The following NREP variants were observed in gnomAD, a reference collection of about 807,000 sequenced individuals.
NREP encodes neuronal regeneration-related protein.
In NREP, 5 loss-of-function variants were observed where a neutral mutation model predicts 8.6. The observed-to-expected ratio is 0.58, with a 90% CI of 0.30 to 1.22. The LOEUF (loss-of-function observed/expected upper bound fraction) is 1.22, where lower values mean the gene tolerates loss of function less well. Among genes scored for constraint, NREP ranks in the 50% most tolerant of loss-of-function variants. The pLI is 0.07. For synonymous variants in NREP, 27 were observed against 28.0 expected (o/e 0.96, Z 0.11); for missense variants, 86 against 82.5 (o/e 1.04, Z -0.17).
In NREP at chr5:111,766,175, A is replaced by C. The variant is rs1020140858; in HGVS notation, c.136-30668T>G. ...CTAAATTACACAACTTGCTGGAATCAAATGTGTCCTAGTCATTTTTTTTAA... is the reference window on the plus strand; with the variant it reads ...CTAAATTACACAACTTGCTGGAATCCAATGTGTCCTAGTCATTTTTTTTAA... On this transcript the variant is annotated intron_variant, in intron 2 of 3. Coordinates refer to the NREP transcript ENST00000395634. 3.9e-4 allele frequency among the ~76,000 whole-genome samples: 60 copies of C among 152,232 alleles called. 1 individual carries two copies. The highest frequency in any genetic ancestry group is 1.4e-3 in the African/African-American group (58 of 41,468).
intron 2 of NREP, among the ~76,000 whole-genome samples, chr5:111,956,659 T>A (rs1215662801): frequency 6.6e-6 from 1 of 152,102 alleles, no homozygotes; most frequent in Non-Finnish European, 1.5e-5. Flanking sequence ...GATGTGGGTC[T>A]TCATATTTAA....
At chr5:111,814,476 C>T (rs912318994) in intron 2 of NREP, among the ~76,000 whole-genome samples, 4 of 152,078 alleles carry the variant, frequency 2.6e-5, no homozygotes, top group African/African-American at 9.7e-5. Context: ...TCCATTGCCT[C>T]CGTAACTTTC....
chr5:111,797,688 C>T (rs1015543724), intron 2 of NREP, among the ~76,000 whole-genome samples: 3 of 152,034 alleles, frequency 2.0e-5, no homozygotes, highest in African/African-American at 7.3e-5. Context: ...GAAATGAGCC[C>T]GCTAAACAAG....
intron 2 of NREP, among the ~76,000 whole-genome samples, chr5:111,792,224 T>C (rs1364966260): frequency 5.3e-5 from 8 of 152,222 alleles, no homozygotes; most frequent in African/African-American, 1.9e-4. Context: ...GCTCTTGTAG[T>C]CTGCATGAAT....
chr5:111,772,731 A>G (rs1217383336), intron 2 of NREP, among the ~76,000 whole-genome samples: 1 of 151,960 alleles, frequency 6.6e-6, no homozygotes, highest in African/African-American at 2.4e-5. Flanking sequence ...TCCCATGAAG[A>G]CACAACTGGA....
chr5:111,839,679 T>C (rs1561688217), intron 2 of NREP, among the ~76,000 whole-genome samples: 1 of 152,100 alleles, frequency 6.6e-6, no homozygotes, highest in East Asian at 1.9e-4. Context: ...GTTCAATATA[T>C]AATATTACTT....
At chr5:111,737,776 TG>T (rs1327501500) in intron 2 of NREP, among the ~76,000 whole-genome samples, 1 of 150,744 alleles carries the variant, frequency 6.6e-6, no homozygotes, top group Non-Finnish European at 1.5e-5. Flanking sequence ...CCAAAGAACT[TG>T]GGAACATGAA....
chr5:111,731,502 A>AAAT (rs1336867156), intron 3 of NREP, among the ~76,000 whole-genome samples: 1 of 152,140 alleles, frequency 6.6e-6, no homozygotes, highest in East Asian at 1.9e-4. Context: ...TATGTAATAA[A>AAAT]AATATTTAAA....
chr5:111,838,521 C>A (rs1293602742), intron 2 of NREP, among the ~76,000 whole-genome samples: 2 of 151,918 alleles, frequency 1.3e-5, no homozygotes, highest in Non-Finnish European at 2.9e-5. Flanking sequence ...AATGTGTGGG[C>A]CTTATTAAAT....
At position 111,876,123 on chromosome 5, in the gene NREP, T is replaced by A. The variant is rs145229754; in HGVS notation, c.135+99151A>T. On this transcript the variant is annotated intron_variant, in intron 2 of 3. Transcript: ENST00000395634. The stretch of plus-strand genomic sequence containing the variant: ...TATACTGCCCATTTCTTTCTTATTG[T>A]CCCTGGTGGACATGCCTGGCCCCCA... Among the ~76,000 whole-genome samples the A allele has an allele frequency of 7.9e-4, 121 of 152,314 alleles. 1 individual carries two copies. The East Asian group carries it at 0.019, about 25-fold the overall frequency.
chr5:111,786,065 T>G (rs936371019), intron 2 of NREP, among the ~76,000 whole-genome samples: 1 of 152,244 alleles, frequency 6.6e-6, no homozygotes, highest in Non-Finnish European at 1.5e-5. Flanking sequence ...TTCATTGATA[T>G]TCATTCAGCT....
chr5:111,964,247 A>G (rs559562655), intron 2 of NREP, among the ~76,000 whole-genome samples: 1 of 152,334 alleles, frequency 6.6e-6, no homozygotes, highest in East Asian at 1.9e-4. Context: ...CATTTAACAT[A>G]TATTTTGAGA....
intron 2 of NREP, among the ~76,000 whole-genome samples, chr5:111,800,947 G>C (rs1381014307): frequency 6.6e-6 from 1 of 152,060 alleles, no homozygotes; most frequent in Non-Finnish European, 1.5e-5. Flanking sequence ...TTGGTAACTG[G>C]AGTGACCATC....
chr5:111,828,807 A>G (rs1752692569), intron 2 of NREP, among the ~76,000 whole-genome samples: 1 of 152,208 alleles, frequency 6.6e-6, no homozygotes, highest in South Asian at 2.1e-4. Flanking sequence ...TGAATAAATG[A>G]CTACTGTATG....
chr5:111,875,157 C>T (rs541517482), intron 2 of NREP, among the ~76,000 whole-genome samples: 15 of 152,086 alleles, frequency 9.9e-5, no homozygotes, highest in East Asian at 1.9e-4. Flanking sequence ...TTACCAAAAG[C>T]GATTTTTTCC....
chr5:111,791,478 CTTTT>C (rs1255740283), intron 2 of NREP, among the ~76,000 whole-genome samples: 1 of 152,012 alleles, frequency 6.6e-6, no homozygotes, highest in East Asian at 1.9e-4. Flanking sequence ...TTGACACAAA[CTTTT>C]TTTGTTTGTT....
At chr5:111,798,239 G>A (rs954748241) in intron 2 of NREP, among the ~76,000 whole-genome samples, 6 of 152,066 alleles carry the variant, frequency 3.9e-5, no homozygotes, top group Non-Finnish European at 8.8e-5. Context: ...TAAGATCATA[G>A]AGAAATGAAA....
chr5:111,903,373 C>G (rs527890400), intron 2 of NREP, among the ~76,000 whole-genome samples: 6 of 152,134 alleles, frequency 3.9e-5, no homozygotes, highest in Admixed American at 3.3e-4. Flanking sequence ...GTGTGAGCCA[C>G]GGCACCCAGC....
intron 2 of NREP, among the ~76,000 whole-genome samples, chr5:111,959,192 G>A (rs1394892912): frequency 6.6e-6 from 1 of 151,928 alleles, no homozygotes; most frequent in Non-Finnish European, 1.5e-5. Flanking sequence ...TATATAAAAT[G>A]TACAATGGCT....
Sources: allele counts gnomAD v4.1 joint callset (sites outside exome capture counted in the v4.1 genomes callset), GRCh38; gene constraint gnomAD v4.1.1; transcripts MANE v1.5; gene names NCBI Gene and HGNC (gene_info 2026-07-23, HGNC 2026-07-21).